The following SLC25A17 variants were observed in gnomAD, a reference collection of about 807,000 sequenced individuals.
The protein encoded by SLC25A17 is peroxisomal membrane protein PMP34.
SLC25A17 carries 26 observed loss-of-function variants against 38.5 expected under a neutral mutation model. That is an observed-to-expected ratio of 0.68 (90% CI 0.50 to 0.94). SLC25A17 has a LOEUF of 0.94. Ranked by LOEUF, SLC25A17 falls within the 40% of genes least tolerant of loss-of-function variation. SLC25A17 has a pLI of 0.00. For synonymous variants in SLC25A17, 139 were observed against 136.2 expected (o/e 1.02, Z -0.14); for missense variants, 333 against 372.7 (o/e 0.89, Z 0.88).
chr22:40,777,018 C>T (rs367546252), intron 7 of SLC25A17, 22 bp downstream of exon 7: 64 of 1,599,686 alleles, frequency 4.0e-5, no homozygotes, highest in Non-Finnish European at 5.3e-5. Flanking sequence ...TGACTAAATG[C>T]GAAGAGAACT....
chr22:40,801,390 A>G (rs1422690197), intron 1 of SLC25A17, among the ~76,000 whole-genome samples: 2 of 151,978 alleles, frequency 1.3e-5, no homozygotes, highest in African/African-American at 4.8e-5. Flanking sequence ...CAGCACATAT[A>G]CTACAGTGAA....
At chr22:40,786,582 T>C (rs922711043) in intron 4 of SLC25A17, among the ~76,000 whole-genome samples, 1 of 152,256 alleles carries the variant, frequency 6.6e-6, no homozygotes, top group African/African-American at 2.4e-5. Context: ...ATGTAGATAG[T>C]TGTTATACTG....
At chr22:40,805,552 C>T (rs2057522545) in intron 1 of SLC25A17, among the ~76,000 whole-genome samples, 1 of 152,072 alleles carries the variant, frequency 6.6e-6, no homozygotes, top group Admixed American at 6.6e-5. Flanking sequence ...AGGGATAATC[C>T]TGGAACATAC....
chr22:40,816,505 T>C (rs993541668), intron 1 of SLC25A17, among the ~76,000 whole-genome samples: 3 of 152,118 alleles, frequency 2.0e-5, no homozygotes, highest in Admixed American at 6.5e-5. Flanking sequence ...ATATTTCCCA[T>C]CTGCTCTCTT....
chr22:40,774,131 A>G (rs2057216809), intron 7 of SLC25A17, 112 bp from the exon 8 acceptor site: 1 of 633,276 alleles, frequency 1.6e-6, no homozygotes, highest in South Asian at 1.9e-5. Context: ...ACATTAATAA[A>G]TTTATCCAAT....
intron 1 of SLC25A17, among the ~76,000 whole-genome samples, chr22:40,811,398 C>T (rs1014714801): frequency 3.3e-5 from 5 of 151,288 alleles, no homozygotes; most frequent in Non-Finnish European, 7.4e-5. Context: ...GCCAATCGTG[C>T]AGTAACTTTT....
chr22:40,809,888 T>C (rs576187139), intron 1 of SLC25A17, among the ~76,000 whole-genome samples: 172 of 152,264 alleles, frequency 1.1e-3, no homozygotes, highest in African/African-American at 4.0e-3. Flanking sequence ...TTGGCCACTG[T>C]CCTTTCCAGG....
At chr22:40,779,250 G>A (rs2057274890) in intron 4 of SLC25A17, 125 bp from the exon 5 acceptor site, 1 of 1,542,108 alleles carries the variant, frequency 6.5e-7, no homozygotes, top group Non-Finnish European at 8.7e-7. Context: ...GAGACCTAAG[G>A]TAAGGTGTCT....
chr22:40,786,098 G>C (rs555989576), intron 4 of SLC25A17, among the ~76,000 whole-genome samples: 2 of 152,310 alleles, frequency 1.3e-5, no homozygotes, highest in East Asian at 3.9e-4. Context: ...CTCACTTGAA[G>C]TCAGGAGTTT....
In SLC25A17 at chr22:40,789,283, C is replaced by A; in HGVS notation, c.334+3242G>T. ...CTCGAGGCATGGGCTGCAGCCCGGT[C>A]CCTGCGTCCTACAGAGACACCGTCC... On this transcript the variant is annotated intron_variant, in intron 4 of 8. Coordinates refer to ENST00000435456, the MANE Select transcript of SLC25A17 (RefSeq NM_006358.4). The surrounding 1 kb of genome is among the most constrained non-coding windows in gnomAD (Gnocchi z 4.5). 1 of 159,994 alleles carries A rather than the reference C, an allele frequency of 6.3e-6. No homozygotes were observed. The highest frequency in any genetic ancestry group is 1.6e-4 in the South Asian group (1 of 6,248). 9.9% of individuals were successfully genotyped at this position (159,994 alleles called of 1,614,324 possible).
chr22:40,778,748 C>G (rs746595150), intron 5 of SLC25A17, among the ~76,000 whole-genome samples: 21 of 152,104 alleles, frequency 1.4e-4, no homozygotes, highest in Non-Finnish European at 2.6e-4. Context: ...AACTAAAGAG[C>G]TGTTGCACAG....
chr22:40,781,527 G>A (rs921106308), intron 4 of SLC25A17, among the ~76,000 whole-genome samples: 1 of 152,082 alleles, frequency 6.6e-6, no homozygotes, highest in African/African-American at 2.4e-5. Context: ...TTACAGGTGT[G>A]AGCCACCGCA....
rs1053001887 is a variant in SLC25A17, at chr22:40,769,632, T to A, written c.*1202A>T. The stretch of plus-strand genomic sequence containing the variant: ...CAAAAGATGACATACGACTCCTAGA[T>A]TTTTCAGAGGTTGTTTTAATACATT... On this transcript the variant is annotated 3_prime_UTR_variant, in exon 9 of 9. Coordinates refer to ENST00000435456, the MANE Select transcript of SLC25A17 (RefSeq NM_006358.4). The A allele has an allele frequency of 6.6e-6, 1 of 152,188 alleles. No homozygotes were observed. Among genetic ancestry groups the A allele is most frequent in the African/African-American group, 2.4e-5 (1 of 41,444 alleles). The allele number at this position is 152,188 out of a possible 1,614,324, so 9.4% of individuals were successfully genotyped here. A position where few individuals can be genotyped will look rare whatever the true frequency, so the allele number is the denominator to read the frequency against.
chr22:40,800,963 G>T (rs2057475406), intron 1 of SLC25A17, among the ~76,000 whole-genome samples: 1 of 150,904 alleles, frequency 6.6e-6, no homozygotes, highest in African/African-American at 2.4e-5. Context: ...AATTAGCTGG[G>T]CCTGGTGGCA....
intron 8 of SLC25A17, among the ~76,000 whole-genome samples, chr22:40,773,677 A>C (rs182031150): frequency 2.0e-5 from 3 of 152,364 alleles, no homozygotes; most frequent in Admixed American, 2.0e-4. Flanking sequence ...TGAAGTATAG[A>C]AGGGTTCTCT....
intron 1 of SLC25A17, among the ~76,000 whole-genome samples, chr22:40,803,143 G>A (rs1172121827): frequency 6.6e-6 from 1 of 152,132 alleles, no homozygotes; most frequent in African/African-American, 2.4e-5. Context: ...TTCTTTTAAA[G>A]AGATGGGGTC....
intron 1 of SLC25A17, among the ~76,000 whole-genome samples, chr22:40,808,413 A>C (rs993563607): frequency 6.6e-6 from 1 of 152,188 alleles, no homozygotes; most frequent in Non-Finnish European, 1.5e-5. Context: ...CAAGGTTACA[A>C]CCAAGATCTC....
chr22:40,784,610 C>CA, intron 4 of SLC25A17: 1 of 220,458 alleles, frequency 4.5e-6, no homozygotes, highest in Non-Finnish European at 9.9e-6. Context: ...CCCATCTGTA[C>CA]AAAAAATAAA....
chr22:40,776,308 A>C (rs1217673087), intron 7 of SLC25A17: 1 of 468,890 alleles, frequency 2.1e-6, no homozygotes. Context: ...TGGATAAATA[A>C]CTGAATGAAA....
Sources: allele counts gnomAD v4.1 joint callset (sites outside exome capture counted in the v4.1 genomes callset), GRCh38; gene constraint gnomAD v4.1.1; non-coding constraint Gnocchi (gnomAD v3.1); transcripts MANE v1.5; gene names NCBI Gene and HGNC (gene_info 2026-07-23, HGNC 2026-07-21).